XPNPEP1: variants seen among roughly 807,000 people sequenced by gnomAD.
XPNPEP1 encodes the protein xaa-Pro aminopeptidase 1.
XPNPEP1 carries 39 observed loss-of-function variants against 92.4 expected under a neutral mutation model. That is an observed-to-expected ratio of 0.42 (90% CI 0.33 to 0.55). The LOEUF is 0.55. XPNPEP1 is among the 20% of genes least tolerant of loss of function. The probability of loss-of-function intolerance (pLI) is 0.08; values close to 1 mark genes in which losing one functional copy is unlikely to be tolerated. For missense variants in XPNPEP1, 654 were observed against 856.1 expected (o/e 0.76, Z 2.95); for synonymous variants, 307 against 299.4 (o/e 1.03, Z -0.26).
At chr10:109,905,724 A>G (rs1849523729) in intron 3 of XPNPEP1, among the ~76,000 whole-genome samples, 1 of 152,234 alleles carries the variant, frequency 6.6e-6, no homozygotes, top group Non-Finnish European at 1.5e-5. Flanking sequence ...TACATTTTTC[A>G]CCACAATAAA....
intron 16 of XPNPEP1, 119 bp from the exon 17 acceptor site, chr10:109,871,980 T>A: frequency 9.9e-7 from 1 of 1,014,232 alleles, no homozygotes; most frequent in Non-Finnish European, 1.4e-6. Flanking sequence ...AGAGAAAATG[T>A]AAGTAAAAAG....
intron 17 of XPNPEP1, 94 bp from the exon 18 acceptor site, chr10:109,870,998 A>C: frequency 1.4e-6 from 2 of 1,410,438 alleles, no homozygotes; most frequent in African/African-American, 1.4e-5. Context: ...ACAGAAACCA[A>C]TAGGTAAGTT....
intron 5 of XPNPEP1, among the ~76,000 whole-genome samples, chr10:109,890,392 T>G (rs7100154): frequency 3.9e-5 from 6 of 151,966 alleles, no homozygotes; most frequent in African/African-American, 1.5e-4. Flanking sequence ...TTTTTGATAT[T>G]TGGAATATAG....
At chr10:109,907,615 A>G (rs201194086) in intron 3 of XPNPEP1, 76 bp downstream of exon 3, 4 of 1,590,154 alleles carry the variant, frequency 2.5e-6, no homozygotes, top group East Asian at 4.5e-5. Context: ...TGGGTTGACA[A>G]TTAGAATCCT....
intron 7 of XPNPEP1, among the ~76,000 whole-genome samples, chr10:109,886,776 A>G (rs1848415454): frequency 6.6e-6 from 1 of 152,194 alleles, no homozygotes; most frequent in Admixed American, 6.5e-5. Flanking sequence ...ACCTATATCA[A>G]CACACTACCC....
intron 6 of XPNPEP1, 128 bp downstream of exon 6, chr10:109,888,374 TG>T: frequency 8.2e-7 from 1 of 1,226,076 alleles, no homozygotes; most frequent in Non-Finnish European, 1.1e-6. Context: ...CTCTTCACCC[TG>T]ACCTCTACTA....
chr10:109,904,788 T>G (rs1029010795), intron 3 of XPNPEP1, among the ~76,000 whole-genome samples: 1 of 152,244 alleles, frequency 6.6e-6, no homozygotes, highest in East Asian at 1.9e-4. Context: ...GTGGAAGAAC[T>G]GGAATGCTGT....
chr10:109,913,134 G>A (rs558840999), intron 2 of XPNPEP1, among the ~76,000 whole-genome samples: 2 of 152,340 alleles, frequency 1.3e-5, no homozygotes, highest in Admixed American at 6.5e-5. Context: ...GCCTTACAGA[G>A]AATGACTCAC....
chr10:109,894,959 G>C (rs1434500279), intron 3 of XPNPEP1, among the ~76,000 whole-genome samples: 1 of 152,164 alleles, frequency 6.6e-6, no homozygotes, highest in Non-Finnish European at 1.5e-5. Context: ...GTAACAACGG[G>C]GGGAAGGGTG....
intron 8 of XPNPEP1, among the ~76,000 whole-genome samples, chr10:109,885,464 G>C (rs774576235): frequency 5.1e-4 from 77 of 152,114 alleles, no homozygotes; most frequent in Non-Finnish European, 6.3e-4. Context: ...ATCAGGGAGA[G>C]AGAAAAGTTT....
At chr10:109,873,889 C>T (rs1468062287) in intron 15 of XPNPEP1, among the ~76,000 whole-genome samples, 1 of 152,100 alleles carries the variant, frequency 6.6e-6, no homozygotes, top group Non-Finnish European at 1.5e-5. Context: ...CACAGAAAGC[C>T]ATACATAATA....
rs189341915 is a variant in XPNPEP1 at position 109,865,084 on chromosome 10, G to A, written c.*100C>T. ...TTAAAGTCTAAAGTAAAAAGGGGAG[G>A]TAGGGAAGAAGGAAAGGAAAGGGGA... On this transcript the variant is annotated 3_prime_UTR_variant, in exon 21 of 21. Coordinates refer to ENST00000502935, the MANE Select transcript of XPNPEP1 (RefSeq NM_020383.4). The A allele has an allele frequency of 3.7e-3, 5,720 of 1,529,752 alleles. 25 individuals are homozygous for A. The highest frequency in any genetic ancestry group is 4.6e-3 in the Non-Finnish European group (5,182 of 1,121,276). 94.8% of individuals were successfully genotyped at this position (1,529,752 alleles called of 1,614,324 possible).
In XPNPEP1 at chr10:109,914,934, T is replaced by C. The variant is rs909909037; in HGVS notation, c.121+77A>G. On this transcript the variant is annotated intron_variant, in intron 2 of 20. Coordinates refer to ENST00000502935, the MANE Select transcript of XPNPEP1 (RefSeq NM_020383.4). Reference sequence around the variant, plus strand: ...TTACTAATTCCTTACCCTCTTCTTCTCACCCAACCTGGGGTTGGGGTGGAG... The same window carrying C: ...TTACTAATTCCTTACCCTCTTCTTCCCACCCAACCTGGGGTTGGGGTGGAG... 7 of 850,572 alleles carry C rather than the reference T, an allele frequency of 8.2e-6. No individual in the cohort carries two copies. The African/African-American group carries it at 1.2e-4, about 15-fold the overall frequency. The allele number at this position is 850,572 out of a possible 1,614,324, so 52.7% of individuals were successfully genotyped here.
At chr10:109,867,000 T>C (rs1351251108) in intron 20 of XPNPEP1, among the ~76,000 whole-genome samples, 1 of 152,184 alleles carries the variant, frequency 6.6e-6, no homozygotes, top group Admixed American at 6.5e-5. Flanking sequence ...TAAAGGGGAA[T>C]GTCATATGGG....
chr10:109,897,680 G>C (rs1480847943), intron 3 of XPNPEP1, among the ~76,000 whole-genome samples: 1 of 151,074 alleles, frequency 6.6e-6, no homozygotes, highest in East Asian at 1.9e-4. Context: ...TTAAGATGGG[G>C]TCTTGCTTTG....
intron 3 of XPNPEP1, among the ~76,000 whole-genome samples, chr10:109,895,715 T>C (rs1848952012): frequency 6.6e-6 from 1 of 152,224 alleles, no homozygotes; most frequent in Non-Finnish European, 1.5e-5. Flanking sequence ...TGTAGCATGC[T>C]AGGAAAAAGG....
intron 7 of XPNPEP1, among the ~76,000 whole-genome samples, chr10:109,887,807 C>T (rs1848474850): frequency 6.6e-6 from 1 of 152,170 alleles, no homozygotes; most frequent in Non-Finnish European, 1.5e-5. Context: ...TCAGCAGCAC[C>T]CAAAAAGCCA....
intron 3 of XPNPEP1, among the ~76,000 whole-genome samples, chr10:109,901,139 T>C (rs1277667634): frequency 6.6e-6 from 1 of 151,762 alleles, no homozygotes; most frequent in Non-Finnish European, 1.5e-5. Context: ...TGTAGGGACA[T>C]GGATGAAGCT....
chr10:109,918,780 AAGGAAGGAG>A (rs1233048597), intron 1 of XPNPEP1, among the ~76,000 whole-genome samples: 50 of 150,096 alleles, frequency 3.3e-4, no homozygotes, highest in African/African-American at 1.0e-3. Context: ...GGAAGACAGG[AAGGAAGGAG>A]AGGAAGGAGA....
Sources: allele counts gnomAD v4.1 joint callset (sites outside exome capture counted in the v4.1 genomes callset), GRCh38; gene constraint gnomAD v4.1.1; transcripts MANE v1.5; gene names NCBI Gene and HGNC (gene_info 2026-07-23, HGNC 2026-07-21).